The following LRRC41 variants were observed in gnomAD, a reference collection of about 807,000 sequenced individuals.
LRRC41 encodes the protein leucine rich repeat containing 41.
In LRRC41, 17 loss-of-function variants were observed where a neutral mutation model predicts 72.1. The ratio of observed to expected loss-of-function variants is 0.24; its 90% CI spans 0.16 to 0.35. The LOEUF is 0.35. Ranked by LOEUF, LRRC41 falls within the 10% of genes least tolerant of loss-of-function variation. LRRC41 has a pLI of 1.00. For missense variants in LRRC41, 759 were observed against 1,065.0 expected, an observed-to-expected ratio of 0.71 and a Z score of 4.00; for synonymous variants, 427 against 431.0, an observed-to-expected ratio of 0.99 and a Z score of 0.11.
Position 46,302,626 on chromosome 1 carries a change from G to GT in LRRC41, c.199+497dup. On this transcript the variant is annotated intron_variant, in intron 1 of 9. Transcript: ENST00000617190. This position sits in a 1 kb window ranked among gnomAD's most constrained non-coding sequence, Gnocchi z 4.7. Reference sequence around the variant, plus strand: ...CTTGGCCTCCGGAATCTCGACCCCCGTGGCGTGTCAGGCAGATGCTGGAGC... The same window carrying GT: ...CTTGGCCTCCGGAATCTCGACCCCCGTTGGCGTGTCAGGCAGATGCTGGAGC... 1.0e-6 allele frequency: 1 copy of GT among 985,268 alleles called. No individual in the cohort carries two copies. The highest frequency in any genetic ancestry group is 1.2e-6 in the Non-Finnish European group (1 of 829,888). The allele number at this position is 985,268 out of a possible 1,614,324, so 61.0% of individuals were successfully genotyped here. A position where few individuals can be genotyped will look rare whatever the true frequency, so the allele number is the denominator to read the frequency against.
At chr1:46,298,241 T>A (rs552463724) in intron 2 of LRRC41, 43 bp downstream of exon 2, 1 of 1,349,148 alleles carries the variant, frequency 7.4e-7, no homozygotes, top group Non-Finnish European at 1.1e-6. Context: ...TATGGTGCCT[T>A]GCTCATAATC....
chr1:46,278,758 T>C lies in LRRC41; in HGVS notation c.*107A>G, dbSNP rs200027562. ...GAAGAAGGAAAAAAGAGAAAAAAGG[T>C]GACAGAAAGAGAAAGATAGAACTGG... On this transcript the variant is annotated 3_prime_UTR_variant, in exon 10 of 10. Transcript: ENST00000617190. The C allele has an allele frequency of 1.1e-4, 120 of 1,124,784 alleles. No homozygotes were observed. Among genetic ancestry groups the C allele is most frequent in the Non-Finnish European group, 1.4e-4 (111 of 776,890 alleles). The allele number at this position is 1,124,784 out of a possible 1,614,324, so 69.7% of individuals were successfully genotyped here.
Position 46,278,585 on chromosome 1 carries a change from G to C in LRRC41, c.*280C>G. The C allele has an allele frequency of 1.6e-6, 1 of 607,442 alleles. No individual in the cohort carries two copies. The allele number at this position is 607,442 out of a possible 1,614,324, so 37.6% of individuals were successfully genotyped here. A position where few individuals can be genotyped will look rare whatever the true frequency, so the allele number is the denominator to read the frequency against. On this transcript the variant is annotated 3_prime_UTR_variant, in exon 10 of 10. Coordinates refer to ENST00000617190, the MANE Select transcript of LRRC41 (RefSeq NM_006369.5). Reference sequence around the variant, plus strand: ...GGCAGGAACCCAGGGGCAGGGGAGGGGATCTCTTCAGCAATTATGATGACC... The same window carrying C: ...GGCAGGAACCCAGGGGCAGGGGAGGCGATCTCTTCAGCAATTATGATGACC...
intron 5 of LRRC41, 78 bp downstream of exon 5, chr1:46,281,047 C>A: frequency 1.3e-6 from 2 of 1,563,626 alleles, no homozygotes; most frequent in Non-Finnish European, 1.7e-6. Flanking sequence ...CTTCCCCTTT[C>A]CCCATACGAA....
chr1:46,296,024 A>G (rs1166698479), intron 3 of LRRC41, among the ~76,000 whole-genome samples: 1 of 152,204 alleles, frequency 6.6e-6, no homozygotes, highest in Non-Finnish European at 1.5e-5. Context: ...TTCCTAGGAA[A>G]GACTTTCTTA....
chr1:46,303,498 C>T lies in LRRC41; in HGVS notation c.-176G>A. 1.3e-6 allele frequency: 1 copy of T among 754,458 alleles called. No homozygotes were observed. The allele number at this position is 754,458 out of a possible 1,614,324, so 46.7% of individuals were successfully genotyped here. On this transcript the variant is annotated 5_prime_UTR_variant, in exon 1 of 10. Transcript: ENST00000617190. ...AGGAGCTACTATTTTAGATAAACTC[C>T]TAGATCAATTATACTTGGGTGTGGT...
intron 3 of LRRC41, among the ~76,000 whole-genome samples, chr1:46,291,700 C>T (rs1661022464): frequency 6.6e-6 from 1 of 151,660 alleles, no homozygotes; most frequent in Non-Finnish European, 1.5e-5. Context: ...GCTGGGACTA[C>T]AGGCATGCGC....
rs759553009 is a variant in LRRC41 at position 46,278,315 on chromosome 1, A to T, written c.*550T>A. ...CTGGTCTGGGTGTAGCTCTTAGAGG[A>T]AGGAGATAGGGAAAAGGGGCTCCTT... On this transcript the variant is annotated 3_prime_UTR_variant, in exon 10 of 10. Transcript: ENST00000617190. 3.2e-6 allele frequency: 5 copies of T among 1,580,492 alleles called. No homozygotes were observed. Among genetic ancestry groups the T allele is most frequent in the Non-Finnish European group, 8.6e-7 (1 of 1,161,468 alleles).
intron 5 of LRRC41, 108 bp from the exon 6 acceptor site, chr1:46,280,668 C>A (rs892770906): frequency 9.4e-6 from 11 of 1,164,680 alleles, no homozygotes; most frequent in African/African-American, 6.2e-5. Flanking sequence ...TTTATTCATT[C>A]ACTTGTCGTT....
In LRRC41 at chr1:46,303,468, C is replaced by T; in HGVS notation, c.-146G>A. ...GAAGAAATTAGCACACTTTCCAAGT[C>T]TCTTAGGAGCTACTATTTTAGATAA... On this transcript the variant is annotated 5_prime_UTR_variant, in exon 1 of 10. Transcript: ENST00000617190. 1.2e-6 allele frequency: 1 copy of T among 808,176 alleles called. No individual in the cohort carries two copies. Among genetic ancestry groups the T allele is most frequent in the Non-Finnish European group, 1.9e-6 (1 of 529,854 alleles). The allele number at this position is 808,176 out of a possible 1,614,324, so 50.1% of individuals were successfully genotyped here.
At chr1:46,290,922 T>TTTTG (rs1553171423) in intron 3 of LRRC41, among the ~76,000 whole-genome samples, 55 of 113,930 alleles carry the variant, frequency 4.8e-4, no homozygotes, top group South Asian at 1.3e-3. Context: ...TCTAGTTTTT[T>TTTTG]TTTTTTTTTT....
chr1:46,279,322 C>G lies in LRRC41; in HGVS notation c.2144-65G>C. 6.3e-7 allele frequency: 1 copy of G among 1,589,584 alleles called. No individual in the cohort carries two copies. Among genetic ancestry groups the G allele is most frequent in the East Asian group, 2.2e-5 (1 of 44,738 alleles). ...AACAGGGGACAAGGGTATCCCAACCCAACTATGGCTGGCAGAACCAGCCCT... is the reference window on the plus strand; with the variant it reads ...AACAGGGGACAAGGGTATCCCAACCGAACTATGGCTGGCAGAACCAGCCCT... On this transcript the variant is annotated intron_variant, in intron 8 of 9. Transcript: ENST00000617190. This position sits in a 1 kb window ranked among gnomAD's most constrained non-coding sequence, Gnocchi z 4.5.
chr1:46,283,149 T>C (rs1401264399), intron 4 of LRRC41, among the ~76,000 whole-genome samples: 3 of 152,176 alleles, frequency 2.0e-5, no homozygotes, highest in Admixed American at 1.3e-4. Context: ...TTTTGACTGA[T>C]TTTTTTAAAG....
Position 46,303,182 on chromosome 1 carries a change from G to A in LRRC41, c.141C>T (p.Phe47=). The change falls in exon 1 of 10, where the codon TTC becomes TTT. Residue 47 remains phenylalanine, a synonymous_variant. Coordinates refer to ENST00000617190, the MANE Select transcript of LRRC41 (RefSeq NM_006369.5). ...CGCTCACCGCCCGCCCGCACAGCTC[G>A]AACAGGGCGGGGGGAGCGTTGGGGC... is the stretch of plus-strand genomic sequence containing the variant. ...ASGPNAPPAL[F]ELCGRAVSAH... The A allele has an allele frequency of 6.4e-7, 1 of 1,565,600 alleles. No individual in the cohort carries two copies. The highest frequency in any genetic ancestry group is 2.3e-5 in the East Asian group (1 of 42,630).
At position 46,285,753 on chromosome 1, in the gene LRRC41, A is replaced by G. The variant is rs939221218; in HGVS notation, c.1104T>C (p.Ser368=). The G allele has an allele frequency of 3.1e-6, 5 of 1,601,396 alleles. No individual in the cohort carries two copies. Among genetic ancestry groups the G allele is most frequent in the African/African-American group, 1.3e-5 (1 of 74,314 alleles). The change falls in exon 4 of 10, where the codon TCT becomes TCC. Residue 368 remains serine (S), a synonymous_variant. Transcript: ENST00000617190. This position sits in a 1 kb window ranked among gnomAD's most constrained non-coding sequence, Gnocchi z 5.3. ...PSAPAATSSA[S]SSTSSYKRAP... is the part of the protein sequence containing the mutation. ...CCCGTTTGTATGAGGATGTAGAAGA[A>G]GAGGCAGAGGAGGTGGCTGCTGGAG... is the stretch of plus-strand genomic sequence containing the variant.
chr1:46,285,099 A>G lies in LRRC41; in HGVS notation c.1495+263T>C. The G allele has an allele frequency of 1.9e-6, 1 of 516,522 alleles. No individual in the cohort carries two copies. Among genetic ancestry groups the G allele is most frequent in the Middle Eastern group, 5.1e-4 (1 of 1,976 alleles). 32.0% of individuals were successfully genotyped at this position (516,522 alleles called of 1,614,324 possible). ...TGCCCTTGGACTGCCTTCCATATCTAAAATGTATTCATTCTTCAGATTCCA... is the reference window on the plus strand; with the variant it reads ...TGCCCTTGGACTGCCTTCCATATCTGAAATGTATTCATTCTTCAGATTCCA... On this transcript the variant is annotated intron_variant, in intron 4 of 9. Coordinates refer to ENST00000617190, the MANE Select transcript of LRRC41 (RefSeq NM_006369.5). This position sits in a 1 kb window ranked among gnomAD's most constrained non-coding sequence, Gnocchi z 5.3.
At position 46,289,686 on chromosome 1, in the gene LRRC41, G is replaced by A. The variant is rs112152333; in HGVS notation, c.358-3187C>T. Among the ~76,000 whole-genome samples the A allele has an allele frequency of 7.2e-3, 1,095 of 152,230 alleles. 17 individuals are homozygous for A. The highest frequency in any genetic ancestry group is 0.034 in the Middle Eastern group (10 of 294). On this transcript the variant is annotated intron_variant, in intron 3 of 9. Coordinates refer to ENST00000617190, the MANE Select transcript of LRRC41 (RefSeq NM_006369.5). ...TGAGGCAGGAGAATGGCGTGAACCC[G>A]GGAGGCGGAGCTTGCAGTGAGCTGA...
chr1:46,285,784 G>A lies in LRRC41; in HGVS notation c.1073C>T (p.Pro358Leu). Residue 358 changes from proline (P) to leucine (L), a missense_variant, in exon 4 of 10, where the codon CCT becomes CTT. Physicochemically the swap from Pro to Leu is moderately conservative, Grantham distance 98 (BLOSUM62 -3). Around this residue, in one of 4 missense-constraint regions of LRRC41, gnomAD observed 427 missense variants for 520.9 expected, o/e 0.82. Transcript: ENST00000617190. The surrounding 1 kb of genome is among the most constrained non-coding windows in gnomAD (Gnocchi z 5.3). ...SHEAPGTKRS[P>L]SAPAATSSAS... Reference sequence around the variant, plus strand: ...AGAGGAGGTGGCTGCTGGAGCAGAAGGTGACCGCTTGGTGCCAGGAGCCTC... The same window carrying A: ...AGAGGAGGTGGCTGCTGGAGCAGAAAGTGACCGCTTGGTGCCAGGAGCCTC... 1 of 1,596,292 alleles carries A rather than the reference G, an allele frequency of 6.3e-7. No homozygotes were observed. The highest frequency in any genetic ancestry group is 8.5e-7 in the Non-Finnish European group (1 of 1,172,272).
At chr1:46,294,629 C>G (rs996110442) in intron 3 of LRRC41, among the ~76,000 whole-genome samples, 2 of 127,456 alleles carry the variant, frequency 1.6e-5, no homozygotes, top group Non-Finnish European at 1.6e-5. Context: ...GAGTCTTGCT[C>G]TGTTGCCCAG....
Sources: gnomAD v4.1 joint callset for allele counts (sites outside exome capture counted in the v4.1 genomes callset) on GRCh38, gnomAD v4.1.1 for gene constraint, gnomAD v4.1.1 regional missense constraint, Gnocchi (gnomAD v3.1) non-coding constraint, MANE v1.5 for transcripts, NCBI Gene and HGNC (gene_info 2026-07-23, HGNC 2026-07-21) for gene names.